Variants in SLC28A1 observed in about 807,000 individuals in gnomAD.
The protein encoded by SLC28A1 is solute carrier family 28 member 1, also known as sodium/nucleoside cotransporter 1.
A neutral mutation model predicts 74.8 loss-of-function variants in SLC28A1; 64 were observed. That is an observed-to-expected ratio of 0.86 (90% CI 0.70 to 1.05). The LOEUF is 1.05. SLC28A1 is among the 50% of genes least tolerant of loss of function. SLC28A1 has a pLI of 0.00. For synonymous variants in SLC28A1, 359 were observed against 335.0 expected (o/e 1.07, Z -0.78); for missense variants, 828 against 822.8 (o/e 1.01, Z -0.08).
chr15:84,908,593 C>A (rs556583917), intron 8 of SLC28A1, 125 bp from the exon 9 acceptor site: 6 of 772,672 alleles, frequency 7.8e-6, no homozygotes, highest in African/African-American at 6.8e-5. Flanking sequence ...TGGTGCCCCC[C>A]CCCGGATAAG....
intron 11 of SLC28A1, among the ~76,000 whole-genome samples, chr15:84,923,152 G>T (rs1454542264): frequency 2.0e-5 from 3 of 152,118 alleles, no homozygotes; most frequent in African/African-American, 7.2e-5. Context: ...TGGCCAGGCT[G>T]GTCTGGAACT....
At chr15:84,887,452 G>T in intron 2 of SLC28A1, 1 of 979,878 alleles carries the variant, frequency 1.0e-6, no homozygotes, top group African/African-American at 1.7e-5. Context: ...GGGAGGCTGA[G>T]GTGGGAGGAC....
downstream of SLC28A1, among the ~76,000 whole-genome samples, chr15:84,946,113 T>TATATATATATATATATATA (rs1555458478): frequency 1.9e-4 from 3 of 15,498 alleles, no homozygotes; most frequent in African/African-American, 4.9e-4. Context: ...TATATATATA[T>TATATATATATATATATATA]TTTTTTTTTT....
At chr15:84,975,171 G>A in the SLC28A1 span, among the ~76,000 whole-genome samples, 3 of 152,208 alleles carry the variant, frequency 2.0e-5, no homozygotes, top group South Asian at 2.1e-4. Context: ...AGCACTTACT[G>A]TGATTTTTGT....
the SLC28A1 span, among the ~76,000 whole-genome samples, chr15:84,954,581 A>G: frequency 1.3e-5 from 2 of 152,182 alleles, no homozygotes; most frequent in African/African-American, 4.8e-5. Flanking sequence ...CCAACAAGGC[A>G]ACTGAGACGT....
intron 12 of SLC28A1, among the ~76,000 whole-genome samples, chr15:84,931,651 CAAAAAAAAA>C (rs60407699): frequency 7.6e-5 from 4 of 52,404 alleles, no homozygotes; most frequent in Admixed American, 6.8e-4. Flanking sequence ...GACTCCATCT[CAAAAAAAAA>C]AAAAAAAAAA....
chr15:84,945,137 GT>G lies in SLC28A1; in HGVS notation c.1889del (p.Phe630SerfsTer155). The G allele has an allele frequency of 6.2e-7, 1 of 1,614,116 alleles. No homozygotes were observed. The highest frequency in any genetic ancestry group is 1.1e-5 in the South Asian group (1 of 91,078). Reference protein sequence around the residue: ...REAFQSVNPEFSPEALDNCCR... With the variant: ...REAFQSVNPEXSPEALDNCCR... Reference sequence around the variant, plus strand: ...GCTTTCTTTTTAGCGTCAATCCAGAGTTCAGCCCAGAGGCCCTGGACAACTG... The same window carrying G: ...GCTTTCTTTTTAGCGTCAATCCAGAGTCAGCCCAGAGGCCCTGGACAACTG... On this transcript the variant is annotated frameshift_variant, in exon 19 of 19. Coordinates refer to ENST00000394573, the MANE Select transcript of SLC28A1 (RefSeq NM_004213.5). LOFTEE classifies it low-confidence loss of function (END_TRUNC).
the SLC28A1 span, among the ~76,000 whole-genome samples, chr15:84,954,435 G>A: frequency 2.6e-5 from 4 of 152,296 alleles, no homozygotes; most frequent in East Asian, 1.9e-4. Flanking sequence ...GAAATGTAGC[G>A]CTTGAAATAA....
intron 6 of SLC28A1, among the ~76,000 whole-genome samples, chr15:84,900,861 G>C (rs555200602): frequency 7.4e-6 from 1 of 135,406 alleles, no homozygotes; most frequent in Non-Finnish European, 1.6e-5. Context: ...GGAAGGGGAA[G>C]GGTGAAAGGC....
chr15:84,928,924 C>T (rs1009375546), intron 12 of SLC28A1, among the ~76,000 whole-genome samples: 1 of 151,882 alleles, frequency 6.6e-6, no homozygotes, highest in South Asian at 2.1e-4. Context: ...CGCCCAGCCT[C>T]CAAGCTCCCA....
At position 84,945,155 on chromosome 15, in the gene SLC28A1, G is replaced by A. The variant is rs1403893040; in HGVS notation, c.1905G>A (p.Leu635=). The A allele has an allele frequency of 6.2e-7, 1 of 1,613,962 alleles. No homozygotes were observed. The highest frequency in any genetic ancestry group is 1.3e-5 in the African/African-American group (1 of 74,902). Residue 635 remains leucine, a synonymous_variant, in exon 19 of 19, where the codon CTG becomes CTA. Coordinates refer to ENST00000394573, the MANE Select transcript of SLC28A1 (RefSeq NM_004213.5). ...ATCCAGAGTTCAGCCCAGAGGCCCTGGACAACTGCTGTCGGTTTTACAACC... is the reference window on the plus strand; with the variant it reads ...ATCCAGAGTTCAGCCCAGAGGCCCTAGACAACTGCTGTCGGTTTTACAACC... ...SVNPEFSPEA[L]DNCCRFYNHT...
intron 12 of SLC28A1, among the ~76,000 whole-genome samples, chr15:84,925,805 T>C (rs1970446755): frequency 6.6e-6 from 1 of 152,040 alleles, no homozygotes; most frequent in Non-Finnish European, 1.5e-5. Context: ...TGAGAATCAT[T>C]GATCAGGAGA....
intron 2 of SLC28A1, 30 bp downstream of exon 2, chr15:84,886,817 T>TGCGCTGCTGTGC: frequency 1.0e-6 from 1 of 956,418 alleles, no homozygotes; most frequent in Non-Finnish European, 1.2e-6. Context: ...CGCTTCTGTG[T>TGCGCTGCTGTGC]GCGCTGCTGT....
At chr15:84,937,270 G>C (rs139027417) in intron 15 of SLC28A1, among the ~76,000 whole-genome samples, 126 of 152,058 alleles carry the variant, frequency 8.3e-4, no homozygotes, top group African/African-American at 2.9e-3. Context: ...ATGTTGAAAT[G>C]AGTATCTTTG....
intron 17 of SLC28A1, 34 bp from the exon 18 acceptor site, chr15:84,944,722 G>A (rs1366184875): frequency 5.5e-6 from 8 of 1,454,558 alleles, no homozygotes; most frequent in African/African-American, 3.0e-5. Context: ...GCTAGCCCGG[G>A]GGCCCTGCCC....
intron 7 of SLC28A1, among the ~76,000 whole-genome samples, chr15:84,905,001 A>C (rs1443072811): frequency 6.6e-6 from 1 of 152,194 alleles, no homozygotes; most frequent in Non-Finnish European, 1.5e-5. Flanking sequence ...GCTTGGACTC[A>C]CTGCTAAGGA....
At chr15:84,973,648 C>T in the SLC28A1 span, among the ~76,000 whole-genome samples, 8 of 152,180 alleles carry the variant, frequency 5.3e-5, no homozygotes, top group African/African-American at 1.2e-4. Context: ...GTCCCTACTG[C>T]GATACACACT....
chr15:84,888,770 AG>A lies in SLC28A1; in HGVS notation c.97del. 6.4e-7 allele frequency: 1 copy of A among 1,551,986 alleles called. No homozygotes were observed. Among genetic ancestry groups the A allele is most frequent in the Admixed American group, 2.0e-5 (1 of 51,210 alleles). On this transcript the variant is annotated splice_acceptor_variant, in intron 3 of 18. Transcript: ENST00000394573. LOFTEE classifies it high-confidence loss of function. ...GACCTGACGGCTCCCTGCGGGCTGT[AG>A]GAGGAAGGCCAGCTCCCTAGGAGTG... is the stretch of plus-strand genomic sequence containing the variant.
At chr15:84,974,207 AC>A in the SLC28A1 span, among the ~76,000 whole-genome samples, 2 of 152,200 alleles carry the variant, frequency 1.3e-5, no homozygotes, top group Non-Finnish European at 2.9e-5. Flanking sequence ...ATTTTGCCTC[AC>A]ATTTACCCTG....
Sources: gnomAD v4.1 joint callset for allele counts (sites outside exome capture counted in the v4.1 genomes callset) on GRCh38, gnomAD v4.1.1 for gene constraint, MANE v1.5 for transcripts, NCBI Gene and HGNC (gene_info 2026-07-23, HGNC 2026-07-21) for gene names.